The following DCDC1 variants were observed in gnomAD, a reference collection of about 807,000 sequenced individuals.
The protein encoded by DCDC1 is doublecortin domain-containing protein 1.
Under a neutral mutation model 178.3 loss-of-function variants are expected in DCDC1, and 200 were observed. The ratio of observed to expected loss-of-function variants is 1.12; its 90% confidence interval spans 1.00 to 1.26. The LOEUF (loss-of-function observed/expected upper bound fraction) is 1.26. Among genes scored for constraint, DCDC1 ranks in the 50% most tolerant of loss-of-function variants. The pLI, the probability that DCDC1 is intolerant of heterozygous loss-of-function variation, is 0.00. For synonymous variants in DCDC1, 690 were observed against 604.8 expected, an observed-to-expected ratio of 1.14 and a Z score of -2.07; for missense variants, 1,983 against 1,749.2, an observed-to-expected ratio of 1.13 and a Z score of -2.38.
At chr11:31,156,055 A>T (rs1322758210) in intron 9 of DCDC1, 1 of 152,208 alleles carries the variant, frequency 6.6e-6, no homozygotes, top group Non-Finnish European at 1.5e-5. Context: ...AGCAGTTGGC[A>T]AACTGTTTCT....
chr11:31,301,513 A>G (rs953651205), intron 6 of DCDC1, among the ~76,000 whole-genome samples: 10 of 152,236 alleles, frequency 6.6e-5, no homozygotes, highest in African/African-American at 2.4e-4. Context: ...TGCTTTTAAC[A>G]TAACAATTTA....
chr11:31,310,297 A>G (rs901813709), intron 3 of DCDC1, among the ~76,000 whole-genome samples: 1 of 132,254 alleles, frequency 7.6e-6, no homozygotes, highest in Non-Finnish European at 1.5e-5. Context: ...ACAGGTTTTC[A>G]GTAATTCTTG....
intron 9 of DCDC1, among the ~76,000 whole-genome samples, chr11:31,189,690 T>C (rs1366470174): frequency 6.6e-6 from 1 of 152,130 alleles, no homozygotes; most frequent in African/African-American, 2.4e-5. Flanking sequence ...TTTGCTTCTG[T>C]CATCACATCA....
chr11:31,058,446 T>C (rs772884210), intron 20 of DCDC1, among the ~76,000 whole-genome samples: 1 of 152,046 alleles, frequency 6.6e-6, no homozygotes, highest in South Asian at 2.1e-4. Flanking sequence ...AGTAAATATA[T>C]ATGTATATGA....
At chr11:30,929,869 C>CTAGT (rs1565088778) in intron 22 of DCDC1, among the ~76,000 whole-genome samples, 1 of 151,966 alleles carries the variant, frequency 6.6e-6, no homozygotes, top group Non-Finnish European at 1.5e-5. Flanking sequence ...TCTTGTCACT[C>CTAGT]ACTAGAGTAA....
intron 34 of DCDC1, among the ~76,000 whole-genome samples, chr11:30,898,160 G>A (rs1944378841): frequency 6.6e-6 from 1 of 152,100 alleles, no homozygotes; most frequent in African/African-American, 2.4e-5. Context: ...GATTATAAAG[G>A]GCCACGCTGA....
At chr11:31,356,098 G>T (rs985383817) in intron 1 of DCDC1, among the ~76,000 whole-genome samples, 11 of 152,026 alleles carry the variant, frequency 7.2e-5, no homozygotes, top group African/African-American at 2.7e-4. Flanking sequence ...ATGTTTAGAG[G>T]AGATAGCTAC....
chr11:30,941,866 T>C (rs1055659798), intron 21 of DCDC1, among the ~76,000 whole-genome samples: 4 of 152,192 alleles, frequency 2.6e-5, no homozygotes, highest in South Asian at 2.1e-4. Context: ...AAAAGCAGTA[T>C]AAATAAGTGT....
intron 9 of DCDC1, among the ~76,000 whole-genome samples, chr11:31,138,193 TAAAC>T: frequency 6.6e-6 from 1 of 152,188 alleles, no homozygotes. Context: ...GTCAATGACA[TAAAC>T]TAAATGTGTC....
intron 1 of DCDC1, among the ~76,000 whole-genome samples, chr11:31,363,938 C>T (rs559674599): frequency 1.1e-4 from 17 of 152,182 alleles, no homozygotes; most frequent in African/African-American, 4.1e-4. Flanking sequence ...TCAGAAGAAG[C>T]CATACTTTGA....
intron 20 of DCDC1, among the ~76,000 whole-genome samples, chr11:31,044,552 G>A (rs1323105408): frequency 6.6e-6 from 1 of 151,464 alleles, no homozygotes; most frequent in Non-Finnish European, 1.5e-5. Flanking sequence ...AAGGGGCTGT[G>A]TGCCAAGGAA....
chr11:31,234,618 G>C, intron 9 of DCDC1, among the ~76,000 whole-genome samples: 1 of 152,060 alleles, frequency 6.6e-6, no homozygotes, highest in East Asian at 1.9e-4. Context: ...TACTAAGAAT[G>C]TGTATTCAAT....
At chr11:30,954,358 C>T (rs576927770) in intron 20 of DCDC1, among the ~76,000 whole-genome samples, 1 of 152,212 alleles carries the variant, frequency 6.6e-6, no homozygotes, top group East Asian at 1.9e-4. Context: ...CTGGAAAAAA[C>T]CTCACAGATT....
chr11:31,103,593 T>A, intron 14 of DCDC1, 51 bp downstream of exon 14: 1 of 692,848 alleles, frequency 1.4e-6, no homozygotes, highest in East Asian at 2.5e-5. Flanking sequence ...CTGAATTAAG[T>A]GATTTGGATT....
intron 18 of DCDC1, among the ~76,000 whole-genome samples, chr11:31,074,238 A>G (rs1400475919): frequency 2.6e-5 from 4 of 152,184 alleles, no homozygotes; most frequent in African/African-American, 9.6e-5. Context: ...GGGTGGCACC[A>G]GTAGTATTCA....
intron 9 of DCDC1, among the ~76,000 whole-genome samples, chr11:31,223,931 A>T (rs960620824): frequency 2.0e-5 from 3 of 151,940 alleles, no homozygotes; most frequent in Admixed American, 6.6e-5. Context: ...ACAATCCCAC[A>T]TGTTGTGGGA....
At chr11:30,953,272 ATATAT>A (rs1173451908) in intron 20 of DCDC1, among the ~76,000 whole-genome samples, 2 of 148,466 alleles carry the variant, frequency 1.3e-5, no homozygotes, top group East Asian at 3.9e-4. Context: ...TAATTACATT[ATATAT>A]AAGTATTATA....
At chr11:31,254,140 C>T (rs771797080) in intron 8 of DCDC1, among the ~76,000 whole-genome samples, 2 of 152,254 alleles carry the variant, frequency 1.3e-5, no homozygotes, top group African/African-American at 4.8e-5. Context: ...ACTGACACAA[C>T]TCACTGAACT....
chr11:31,178,931 C>T (rs551005529), intron 9 of DCDC1, among the ~76,000 whole-genome samples: 1 of 152,192 alleles, frequency 6.6e-6, no homozygotes, highest in African/African-American at 2.4e-5. Context: ...GACCTTGTGA[C>T]TTGCCCACCT....
Sources: allele counts gnomAD v4.1 joint callset (sites outside exome capture counted in the v4.1 genomes callset), GRCh38; gene constraint gnomAD v4.1.1; transcripts MANE v1.5; gene names NCBI Gene and HGNC (gene_info 2026-07-23, HGNC 2026-07-21).